ADGRB3: variants seen among roughly 807,000 people sequenced by gnomAD.
ADGRB3 encodes the protein brain-specific angiogenesis inhibitor 3.
Under a neutral mutation model 193.4 loss-of-function variants are expected in ADGRB3, and 37 were observed. The observed-to-expected ratio is 0.19, with a 90% CI of 0.15 to 0.25. The LOEUF is 0.25. ADGRB3 is among the 10% of genes least tolerant of loss of function. The probability of loss-of-function intolerance (pLI) is 1.00; values close to 1 mark genes in which losing one functional copy is unlikely to be tolerated. For synonymous variants in ADGRB3, 690 were observed against 644.2 expected, an observed-to-expected ratio of 1.07 and a Z score of -1.08; for missense variants, 1,637 against 1,852.9, an observed-to-expected ratio of 0.88 and a Z score of 2.14.
chr6:68,730,472 G>A lies in ADGRB3; in HGVS notation c.757+91040G>A, dbSNP rs546044101. ...ACATCTAATAAAGTTGATGACTCAG[G>A]CACTGTGGAGCCAGAAGAAAGAATG... is the stretch of plus-strand genomic sequence containing the variant. On this transcript the variant is annotated intron_variant, in intron 3 of 31. Transcript: ENST00000370598. Among the ~76,000 whole-genome samples, 3 of 151,706 alleles carry A rather than the reference G, an allele frequency of 2.0e-5. No homozygotes were observed. In the East Asian group the frequency reaches 5.9e-4, roughly 30 times the overall value.
At chr6:68,847,413 A>C (rs1481638919) in intron 3 of ADGRB3, among the ~76,000 whole-genome samples, 2 of 152,138 alleles carry the variant, frequency 1.3e-5, no homozygotes, top group Admixed American at 1.3e-4. Flanking sequence ...TCCACATCCA[A>C]ATCTCATCTT....
chr6:68,958,201 G>GA (rs967608908), intron 8 of ADGRB3, among the ~76,000 whole-genome samples: 346 of 146,604 alleles, frequency 2.4e-3, no homozygotes, highest in Non-Finnish European at 3.3e-3. Flanking sequence ...ACTCTGTCTC[G>GA]AAAAAAAAAA....
At chr6:69,360,303 C>T (rs906891651) in intron 28 of ADGRB3, among the ~76,000 whole-genome samples, 1 of 151,666 alleles carries the variant, frequency 6.6e-6, no homozygotes, top group Non-Finnish European at 1.5e-5. Context: ...TTGTATCCAC[C>T]TTGACCATAT....
chr6:69,057,228 G>C (rs1271599385), intron 15 of ADGRB3, among the ~76,000 whole-genome samples: 1 of 151,796 alleles, frequency 6.6e-6, no homozygotes, highest in Non-Finnish European at 1.5e-5. Context: ...TGATTTTTGT[G>C]CGTTAATTTT....
chr6:68,754,860 A>C (rs78354921), intron 3 of ADGRB3, among the ~76,000 whole-genome samples: 23,149 of 152,130 alleles, frequency 0.15, 2,553 homozygotes, highest in East Asian at 0.64. Flanking sequence ...CTGTGGGATG[A>C]AAAAGGAAGC....
chr6:68,971,970 G>T (rs1429903621), intron 8 of ADGRB3, among the ~76,000 whole-genome samples: 6 of 152,180 alleles, frequency 3.9e-5, no homozygotes, highest in Admixed American at 3.3e-4. Context: ...TGGGAGGCAG[G>T]ATGGGGCAGC....
At chr6:69,054,373 A>G (rs1457417803) in intron 15 of ADGRB3, among the ~76,000 whole-genome samples, 3 of 152,174 alleles carry the variant, frequency 2.0e-5, no homozygotes, top group Non-Finnish European at 4.4e-5. Context: ...TATTGGAAAT[A>G]ATAGAAAATT....
chr6:68,844,245 G>GA (rs1478747617), intron 3 of ADGRB3, among the ~76,000 whole-genome samples: 4 of 150,908 alleles, frequency 2.7e-5, no homozygotes, highest in Non-Finnish European at 4.4e-5. Context: ...CTCACAGAAT[G>GA]AAAAAAAGAA....
intron 28 of ADGRB3, among the ~76,000 whole-genome samples, chr6:69,356,364 T>G (rs1286426716): frequency 1.3e-5 from 2 of 152,140 alleles, no homozygotes; most frequent in African/African-American, 4.8e-5. Context: ...GGACTGGGGT[T>G]ATTGAGAAAT....
intron 3 of ADGRB3, among the ~76,000 whole-genome samples, chr6:68,674,306 TA>T (rs1252521915): frequency 6.6e-5 from 10 of 152,118 alleles, no homozygotes; most frequent in Non-Finnish European, 1.3e-4. Flanking sequence ...TTTTAAAAGC[TA>T]AAAAAATTTT....
intron 8 of ADGRB3, among the ~76,000 whole-genome samples, chr6:68,962,010 A>C (rs1768246810): frequency 6.6e-6 from 1 of 152,176 alleles, no homozygotes; most frequent in African/African-American, 2.4e-5. Context: ...GGGAATAGCA[A>C]ATTAGGCCCT....
chr6:68,654,875 G>T (rs967326645), intron 3 of ADGRB3, among the ~76,000 whole-genome samples: 1 of 151,676 alleles, frequency 6.6e-6, no homozygotes, highest in African/African-American at 2.4e-5. Flanking sequence ...AATACATTCA[G>T]ATCAGTATTC....
chr6:68,794,183 A>T (rs1247736977), intron 3 of ADGRB3, among the ~76,000 whole-genome samples: 1 of 152,104 alleles, frequency 6.6e-6, no homozygotes, highest in Admixed American at 6.6e-5. Flanking sequence ...ATATTAGCAC[A>T]TTTTATGTAT....
At chr6:68,933,234 C>T (rs1767392312) in intron 4 of ADGRB3, among the ~76,000 whole-genome samples, 1 of 152,020 alleles carries the variant, frequency 6.6e-6, no homozygotes, top group Non-Finnish European at 1.5e-5. Context: ...GAAAAGCAGT[C>T]TTTCATTACC....
chr6:69,071,987 G>T (rs1221085207), intron 16 of ADGRB3, among the ~76,000 whole-genome samples: 1 of 151,778 alleles, frequency 6.6e-6, no homozygotes, highest in Non-Finnish European at 1.5e-5. Context: ...TATTTTACAG[G>T]TACTTACTCA....
chr6:69,040,778 G>A (rs563244080), intron 13 of ADGRB3, among the ~76,000 whole-genome samples: 1 of 142,976 alleles, frequency 7.0e-6, no homozygotes, highest in South Asian at 2.3e-4. Context: ...TATGCTAAAA[G>A]GAATATGCAA....
chr6:69,264,222 C>A (rs916401921), intron 20 of ADGRB3, among the ~76,000 whole-genome samples: 1 of 151,936 alleles, frequency 6.6e-6, no homozygotes, highest in Non-Finnish European at 1.5e-5. Flanking sequence ...TCACTTGAAG[C>A]ATGAAAGTTA....
chr6:68,976,999 CAT>C (rs1298081334), intron 10 of ADGRB3, among the ~76,000 whole-genome samples: 4 of 147,606 alleles, frequency 2.7e-5, no homozygotes, highest in South Asian at 4.3e-4. Context: ...ATTTATATAT[CAT>C]ATAATATGCA....
At chr6:69,135,244 G>T (rs1000773366) in intron 17 of ADGRB3, among the ~76,000 whole-genome samples, 8 of 151,462 alleles carry the variant, frequency 5.3e-5, no homozygotes, top group African/African-American at 1.9e-4. Context: ...TCTTCTAGAA[G>T]CAGCCTAACA....
Sources: gnomAD v4.1 joint callset for allele counts (sites outside exome capture counted in the v4.1 genomes callset) on GRCh38, gnomAD v4.1.1 for gene constraint, MANE v1.5 for transcripts, NCBI Gene and HGNC (gene_info 2026-07-23, HGNC 2026-07-21) for gene names.